The following NR6A1 variants were observed in gnomAD, a reference collection of about 807,000 sequenced individuals.
NR6A1 encodes the protein nuclear receptor subfamily 6 group A member 1, also known as retinoic acid receptor-related testis-associated receptor.
In NR6A1, 7 loss-of-function variants were observed where a neutral mutation model predicts 59.1. The observed-to-expected ratio is 0.12, with a 90% CI of 0.07 to 0.22. NR6A1 has a LOEUF of 0.22. Among genes scored for constraint, NR6A1 ranks in the 10% least tolerant of loss-of-function variants. The pLI is 1.00. For missense variants in NR6A1, 468 were observed against 611.6 expected, an observed-to-expected ratio of 0.77 and a Z score of 2.48; for synonymous variants, 243 against 236.1, an observed-to-expected ratio of 1.03 and a Z score of -0.27.
intron 2 of NR6A1, among the ~76,000 whole-genome samples, chr9:124,647,410 A>C (rs1836960358): frequency 6.6e-6 from 1 of 152,206 alleles, no homozygotes; most frequent in Non-Finnish European, 1.5e-5. Context: ...AAATGGACAT[A>C]CACAACCTAC....
chr9:124,701,193 T>C (rs182548779), intron 2 of NR6A1, among the ~76,000 whole-genome samples: 4 of 152,350 alleles, frequency 2.6e-5, no homozygotes, highest in Admixed American at 6.5e-5. Context: ...ACATTACCAT[T>C]GTAACACGCA....
chr9:124,529,251 C>T (rs537897998), intron 7 of NR6A1, among the ~76,000 whole-genome samples: 1 of 152,156 alleles, frequency 6.6e-6, no homozygotes, highest in Non-Finnish European at 1.5e-5. Context: ...CTGCTACCTG[C>T]GAGGCACATT....
chr9:124,715,196 G>A (rs1372699291), intron 2 of NR6A1, among the ~76,000 whole-genome samples: 1 of 147,108 alleles, frequency 6.8e-6, no homozygotes, highest in South Asian at 2.2e-4. Flanking sequence ...GTGAGACTTC[G>A]TCTCAGAAAA....
intron 8 of NR6A1, among the ~76,000 whole-genome samples, chr9:124,525,602 C>T (rs1177546973): frequency 6.6e-6 from 1 of 152,014 alleles, no homozygotes; most frequent in Non-Finnish European, 1.5e-5. Context: ...AGTGATCCTC[C>T]TGCCTTGGCC....
At chr9:124,547,170 T>A (rs1833624948) in intron 3 of NR6A1, among the ~76,000 whole-genome samples, 1 of 152,246 alleles carries the variant, frequency 6.6e-6, no homozygotes, top group African/African-American at 2.4e-5. Context: ...TCTTCTATCT[T>A]CTCAGAAGGC....
intron 2 of NR6A1, among the ~76,000 whole-genome samples, chr9:124,640,199 TAAGA>T (rs1031080424): frequency 2.6e-5 from 4 of 152,212 alleles, no homozygotes; most frequent in Non-Finnish European, 5.9e-5. Flanking sequence ...AAACTAGGTT[TAAGA>T]AAGATATTTT....
chr9:124,676,688 T>C (rs1837972157), intron 2 of NR6A1, among the ~76,000 whole-genome samples: 1 of 152,152 alleles, frequency 6.6e-6, no homozygotes, highest in Non-Finnish European at 1.5e-5. Flanking sequence ...AAAGAATCAG[T>C]TTATAGAGTG....
intron 2 of NR6A1, among the ~76,000 whole-genome samples, chr9:124,696,554 G>A (rs999909522): frequency 1.0e-4 from 12 of 115,938 alleles, no homozygotes; most frequent in Non-Finnish European, 1.6e-4. Context: ...ATGGAGTCTC[G>A]CTCTGTCACC....
At chr9:124,752,522 A>G (rs779134961) in intron 1 of NR6A1, among the ~76,000 whole-genome samples, 2 of 152,174 alleles carry the variant, frequency 1.3e-5, no homozygotes, top group Non-Finnish European at 2.9e-5. Flanking sequence ...ACACGCAATA[A>G]AAGTCAAAGA....
In NR6A1 at chr9:124,561,995, A is replaced by G. The variant is rs142445705; in HGVS notation, c.143-7425T>C. 5.5e-3 allele frequency among the ~76,000 whole-genome samples: 841 copies of G among 152,368 alleles called. 7 individuals carry two copies. Among genetic ancestry groups the G allele is most frequent in the African/African-American group, 0.019 (799 of 41,594 alleles). ...AGCCTGGTGGCAGGGGAAAGTAATG[A>G]CAGATTTCCTAGAGGAAGTGAATTC... On this transcript the variant is annotated intron_variant, in intron 2 of 9. Transcript: ENST00000487099.
intron 1 of NR6A1, among the ~76,000 whole-genome samples, chr9:124,748,757 C>T (rs555164450): frequency 6.6e-6 from 1 of 150,656 alleles, no homozygotes; most frequent in Non-Finnish European, 1.5e-5. Flanking sequence ...CCCAGCTATT[C>T]GGGAGGCTGA....
At chr9:124,590,346 TA>T (rs199814231) in intron 2 of NR6A1, among the ~76,000 whole-genome samples, 17 of 146,908 alleles carry the variant, frequency 1.2e-4, no homozygotes, top group South Asian at 2.2e-4. Context: ...CAAAAGTAGT[TA>T]AAAAAAAAAC....
At chr9:124,708,502 C>T (rs1404541264) in intron 2 of NR6A1, among the ~76,000 whole-genome samples, 2 of 152,200 alleles carry the variant, frequency 1.3e-5, no homozygotes, top group African/African-American at 2.4e-5. Context: ...ATGTCTTTGG[C>T]ACCCAAACTG....
intron 2 of NR6A1, among the ~76,000 whole-genome samples, chr9:124,666,020 C>G (rs1043066042): frequency 2.0e-5 from 3 of 152,150 alleles, no homozygotes; most frequent in Non-Finnish European, 4.4e-5. Flanking sequence ...TCCAAAAGTT[C>G]CAATTAAGAA....
chr9:124,555,359 C>A (rs1257803267), intron 2 of NR6A1, among the ~76,000 whole-genome samples: 3 of 152,168 alleles, frequency 2.0e-5, no homozygotes, highest in Non-Finnish European at 2.9e-5. Flanking sequence ...CCAGCAGGTA[C>A]AAGAAATCAC....
intron 2 of NR6A1, among the ~76,000 whole-genome samples, chr9:124,617,421 A>G (rs935045646): frequency 1.3e-5 from 2 of 152,216 alleles, no homozygotes; most frequent in Non-Finnish European, 2.9e-5. Flanking sequence ...AACTGAATGG[A>G]AACACAATTA....
intron 2 of NR6A1, among the ~76,000 whole-genome samples, chr9:124,693,315 T>C (rs939632605): frequency 6.6e-6 from 1 of 152,176 alleles, no homozygotes; most frequent in African/African-American, 2.4e-5. Context: ...CCACAGCAAA[T>C]GCTCAATATA....
At chr9:124,654,932 A>G (rs1837214385) in intron 2 of NR6A1, among the ~76,000 whole-genome samples, 1 of 146,726 alleles carries the variant, frequency 6.8e-6, no homozygotes, top group South Asian at 2.2e-4. Flanking sequence ...CAAACAGAAT[A>G]AAGAAAACTG....
chr9:124,530,289 A>G (rs1833066595), intron 7 of NR6A1, among the ~76,000 whole-genome samples: 2 of 152,120 alleles, frequency 1.3e-5, no homozygotes, highest in African/African-American at 4.8e-5. Context: ...GCTGGCAGCC[A>G]GCCTAGCAGC....
Sources: gnomAD v4.1 joint callset for allele counts (sites outside exome capture counted in the v4.1 genomes callset) on GRCh38, gnomAD v4.1.1 for gene constraint, MANE v1.5 for transcripts, NCBI Gene and HGNC (gene_info 2026-07-23, HGNC 2026-07-21) for gene names.